The following PXDN variants were observed in gnomAD, a reference collection of about 807,000 sequenced individuals.
PXDN encodes peroxidasin.
In PXDN, 77 loss-of-function variants were observed where a neutral mutation model predicts 140.3. The ratio of observed to expected loss-of-function variants is 0.55; its 90% CI spans 0.46 to 0.66. PXDN has a LOEUF of 0.66. Ranked by LOEUF, PXDN falls within the 30% of genes least tolerant of loss-of-function variation. The probability of loss-of-function intolerance (pLI) is 0.00; values close to 1 mark genes in which losing one functional copy is unlikely to be tolerated. For synonymous variants in PXDN, 911 were observed against 857.4 expected (o/e 1.06, Z -1.09); for missense variants, 1,838 against 2,039.5 (o/e 0.90, Z 1.90).
intron 1 of PXDN, among the ~76,000 whole-genome samples, chr2:1,721,832 A>AATAC (rs1685060788): frequency 6.6e-6 from 1 of 152,028 alleles, no homozygotes; most frequent in Non-Finnish European, 1.5e-5. Flanking sequence ...TAAATAAATA[A>AATAC]ATAAAAGCCT....
intron 1 of PXDN, among the ~76,000 whole-genome samples, chr2:1,739,301 T>A (rs1347353762): frequency 1.3e-5 from 2 of 151,792 alleles, no homozygotes; most frequent in African/African-American, 4.8e-5. Flanking sequence ...GGAAACTGAG[T>A]CAGAACAACA....
chr2:1,667,112 A>T (rs1160526456), intron 9 of PXDN, among the ~76,000 whole-genome samples: 1 of 152,120 alleles, frequency 6.6e-6, no homozygotes, highest in Non-Finnish European at 1.5e-5. Flanking sequence ...ATTGCCCAGA[A>T]ATGACCCTGC....
Position 1,651,061 on chromosome 2 carries a change from G to A in PXDN, c.2105-1386C>T, listed in dbSNP as rs1267178974. 6.6e-6 allele frequency among the ~76,000 whole-genome samples: 1 copy of A among 152,134 alleles called. No homozygotes were observed. The highest frequency in any genetic ancestry group is 2.1e-4 in the South Asian group (1 of 4,812). On this transcript the variant is annotated intron_variant, in intron 16 of 22. Transcript: ENST00000252804. The surrounding 1 kb of genome is among the most constrained non-coding windows in gnomAD (Gnocchi z 4.4). The stretch of plus-strand genomic sequence containing the variant: ...GTCTGTGCAGGGAACATGAACCCCG[G>A]GCTCCCCTCAGCCCCTGGTTCTGTT...
chr2:1,653,973 G>A (rs959439750), intron 15 of PXDN, 188 bp from the exon 16 acceptor site: 32 of 632,280 alleles, frequency 5.1e-5, no homozygotes, highest in Middle Eastern at 4.3e-4. Context: ...GACAAAAACC[G>A]GAAGACACTA....
rs564035938 is a variant in PXDN, at chr2:1,714,993, C to G, written c.201-21859G>C. Among the ~76,000 whole-genome samples the G allele has an allele frequency of 6.6e-6, 1 of 152,102 alleles. No individual in the cohort carries two copies. Among genetic ancestry groups the G allele is most frequent in the Admixed American group, 6.5e-5 (1 of 15,274 alleles). On this transcript the variant is annotated intron_variant, in intron 1 of 22. Transcript: ENST00000252804. This position sits in a 1 kb window ranked among gnomAD's most constrained non-coding sequence, Gnocchi z 4.3. ...GAACACGCCACCCATTAATACAAAG[C>G]CCCCTCCCCCCATCCCCGGCTTACA...
rs754570178 is a variant in PXDN, at chr2:1,649,365, C to T, written c.2415G>A (p.Thr805=). 32 of 1,613,844 alleles carry T rather than the reference C, an allele frequency of 2.0e-5. No individual in the cohort carries two copies. Among genetic ancestry groups the T allele is most frequent in the Non-Finnish European group, 2.3e-5 (27 of 1,179,900 alleles). The change falls in exon 17 of 23, where the codon ACG becomes ACA. Residue 805 remains threonine (T), a synonymous_variant. Coordinates refer to ENST00000252804, the MANE Select transcript of PXDN (RefSeq NM_012293.3). This position sits in a 1 kb window ranked among gnomAD's most constrained non-coding sequence, Gnocchi z 7.1. ...ACTGCTCGTCGGGTGTGACGGTCTC[C>T]GTCCCGATCAGGGTGGTGGACACCA... ...PRLVSTTLIG[T]ETVTPDEQFT...
At chr2:1,677,681 T>A (rs952540778) in intron 7 of PXDN, among the ~76,000 whole-genome samples, 2 of 152,062 alleles carry the variant, frequency 1.3e-5, no homozygotes, top group Admixed American at 1.3e-4. Flanking sequence ...CAGGCTCCCG[T>A]CCCTGGTGGC....
At chr2:1,717,397 G>A (rs1195098417) in intron 1 of PXDN, among the ~76,000 whole-genome samples, 1 of 152,008 alleles carries the variant, frequency 6.6e-6, no homozygotes, top group Non-Finnish European at 1.5e-5. Context: ...GATTCAACTG[G>A]GCTCAGCAGC....
At chr2:1,665,146 G>A in intron 10 of PXDN, 72 bp from the exon 11 acceptor site, 1 of 1,149,780 alleles carries the variant, frequency 8.7e-7, no homozygotes, top group East Asian at 2.6e-5. Flanking sequence ...CCAAGAAAAT[G>A]ACCACAGTCT....
chr2:1,680,264 G>A lies in PXDN; in HGVS notation c.659C>T (p.Ala220Val). The A allele has an allele frequency of 6.2e-7, 1 of 1,613,584 alleles. No homozygotes were observed. The change falls in exon 7 of 23, where the codon GCC becomes GTC. Residue 220 changes from alanine (A) to valine (V), a missense_variant. Around this residue, in one of 5 missense-constraint regions of PXDN, gnomAD observed 208 missense variants for 325.8 expected, o/e 0.64. Coordinates refer to ENST00000252804, the MANE Select transcript of PXDN (RefSeq NM_012293.3). ...YAESGNAQAA[A>V]ICEYPRRIQG... The stretch of plus-strand genomic sequence containing the variant: ...GATGCGTCTGGGATATTCACAGATG[G>A]CCGCTGCCTGCGCGTTCCCCGACTC...
chr2:1,719,071 A>C (rs1036370068), intron 1 of PXDN, among the ~76,000 whole-genome samples: 1 of 152,242 alleles, frequency 6.6e-6, no homozygotes, highest in Non-Finnish European at 1.5e-5. Flanking sequence ...GCCAGGGGCC[A>C]GGGGCTGGCT....
intron 11 of PXDN, 119 bp downstream of exon 11, chr2:1,664,839 T>A: frequency 1.1e-6 from 1 of 880,148 alleles, no homozygotes; most frequent in South Asian, 1.7e-5. Flanking sequence ...TCCTGTGGAA[T>A]CCAGTCCCAG....
At chr2:1,715,320 G>A (rs998168067) in intron 1 of PXDN, among the ~76,000 whole-genome samples, 11 of 152,072 alleles carry the variant, frequency 7.2e-5, no homozygotes, top group Non-Finnish European at 7.4e-5. Flanking sequence ...CACATTTCCC[G>A]CTAAGTATGT....
At chr2:1,713,460 T>C (rs1237453486) in intron 1 of PXDN, among the ~76,000 whole-genome samples, 2 of 152,100 alleles carry the variant, frequency 1.3e-5, no homozygotes, top group African/African-American at 2.4e-5. Flanking sequence ...AATCCCCACC[T>C]GGAAAACCCA....
intron 1 of PXDN, among the ~76,000 whole-genome samples, chr2:1,719,348 C>A (rs1328865261): frequency 6.6e-6 from 1 of 152,210 alleles, no homozygotes; most frequent in African/African-American, 2.4e-5. Flanking sequence ...CTGTCCCAGG[C>A]CCTCCTGGGT....
chr2:1,728,382 C>A (rs749986505), intron 1 of PXDN, among the ~76,000 whole-genome samples: 2 of 152,222 alleles, frequency 1.3e-5, no homozygotes, highest in African/African-American at 4.8e-5. Context: ...AGCTACCAGC[C>A]GGAGAATACA....
At chr2:1,658,073 T>TCCCTCCCCCTCTCTCTCCCTCCCC (rs1558494472) in intron 14 of PXDN, among the ~76,000 whole-genome samples, 1 of 58,940 alleles carries the variant, frequency 1.7e-5, no homozygotes, top group African/African-American at 6.3e-5. Context: ...TCTCTCTCTC[T>TCCCTCCCCCTCTCTCTCCCTCCCC]CTCTCTCTCT....
At chr2:1,683,811 T>C in intron 5 of PXDN, 84 bp from the exon 6 acceptor site, 1 of 1,082,830 alleles carries the variant, frequency 9.2e-7, no homozygotes, top group Non-Finnish European at 1.3e-6. Context: ...GTCAAATATA[T>C]ATCAGCTTTA....
intron 1 of PXDN, among the ~76,000 whole-genome samples, chr2:1,693,582 C>G (rs916099464): frequency 9.8e-5 from 15 of 152,336 alleles, no homozygotes; most frequent in African/African-American, 3.1e-4. Flanking sequence ...ACCTAAACTG[C>G]TACCTTCATG....
Sources: allele counts gnomAD v4.1 joint callset (sites outside exome capture counted in the v4.1 genomes callset), GRCh38; gene constraint gnomAD v4.1.1; regional missense constraint gnomAD v4.1.1; non-coding constraint Gnocchi (gnomAD v3.1); transcripts MANE v1.5; gene names NCBI Gene and HGNC (gene_info 2026-07-23, HGNC 2026-07-21).